The following DRC8 variants were observed in gnomAD, a reference collection of about 807,000 sequenced individuals.
DRC8 encodes dynein regulatory complex subunit 8.
chr1:245,091,387 G>C, the DRC8 span: 711 of 152,426 alleles, frequency 4.7e-3, 7 homozygotes, highest in African/African-American at 0.016. Flanking sequence ...GAGCATACAG[G>C]ACAGCTCTGC....
chr1:244,974,797 C>T, the DRC8 span, among the ~76,000 whole-genome samples: 15 of 152,250 alleles, frequency 9.9e-5, no homozygotes, highest in South Asian at 2.1e-4. Context: ...TGGGCTCAAG[C>T]GATTCCCCCG....
chr1:245,070,927 C>T, the DRC8 span, among the ~76,000 whole-genome samples: 1 of 152,176 alleles, frequency 6.6e-6, no homozygotes, highest in Non-Finnish European at 1.5e-5. Flanking sequence ...CCCTTGCATC[C>T]CTCTGCCATG....
At chr1:245,087,091 G>A in the DRC8 span, 1 of 1,111,924 alleles carries the variant, frequency 9.0e-7, no homozygotes, top group Non-Finnish European at 1.3e-6. Flanking sequence ...TTGAACCTCT[G>A]GACTGTCGTG....
chr1:245,116,390 A>AAAAAC, the DRC8 span, among the ~76,000 whole-genome samples: 29 of 152,228 alleles, frequency 1.9e-4, no homozygotes, highest in South Asian at 2.9e-3. Flanking sequence ...CTTGCCTCTT[A>AAAAAC]AAAACAAAAC....
At chr1:244,982,004 T>C in the DRC8 span, among the ~76,000 whole-genome samples, 1 of 152,166 alleles carries the variant, frequency 6.6e-6, no homozygotes. Context: ...AGAATTCTCC[T>C]CACCCATCCC....
the DRC8 span, among the ~76,000 whole-genome samples, chr1:245,050,676 G>A: frequency 6.6e-6 from 1 of 152,120 alleles, no homozygotes; most frequent in African/African-American, 2.4e-5. Flanking sequence ...CTCAGCTATT[G>A]GGTAGGATGT....
chr1:244,990,513 G>A, the DRC8 span, among the ~76,000 whole-genome samples: 4 of 152,130 alleles, frequency 2.6e-5, no homozygotes, highest in African/African-American at 9.7e-5. Flanking sequence ...CACATTGGAT[G>A]TTTATTTTAT....
the DRC8 span, among the ~76,000 whole-genome samples, chr1:245,054,957 C>T: frequency 2.0e-5 from 3 of 152,212 alleles, no homozygotes; most frequent in African/African-American, 7.2e-5. Context: ...GACAGTTACT[C>T]CTGCCCTCAC....
At chr1:245,124,343 A>T in the DRC8 span, 1 of 152,258 alleles carries the variant, frequency 6.6e-6, no homozygotes, top group Non-Finnish European at 1.5e-5. Context: ...GCTTGCTGAC[A>T]GTGGCAACGT....
At chr1:245,002,440 C>G in the DRC8 span, among the ~76,000 whole-genome samples, 2 of 152,170 alleles carry the variant, frequency 1.3e-5, no homozygotes, top group African/African-American at 4.8e-5. Context: ...AAAACTTGAG[C>G]CTATCCCCAC....
the DRC8 span, among the ~76,000 whole-genome samples, chr1:245,008,700 G>A: frequency 2.8e-5 from 4 of 142,564 alleles, no homozygotes; most frequent in Non-Finnish European, 6.0e-5. Context: ...AATTTTCAGA[G>A]CAAGATCCTT....
chr1:245,091,119 A>T, the DRC8 span: 1 of 152,272 alleles, frequency 6.6e-6, no homozygotes, highest in Non-Finnish European at 1.5e-5. Context: ...GCCAGAGATG[A>T]GGATGAACCG....
At chr1:245,105,647 A>C in the DRC8 span, among the ~76,000 whole-genome samples, 7 of 151,504 alleles carry the variant, frequency 4.6e-5, no homozygotes, top group African/African-American at 1.7e-4. Flanking sequence ...AACAAAAAAC[A>C]AAAACAAAAA....
the DRC8 span, among the ~76,000 whole-genome samples, chr1:245,003,266 GT>G: frequency 6.6e-6 from 1 of 152,170 alleles, no homozygotes; most frequent in Non-Finnish European, 1.5e-5. Context: ...GTAAGTATCT[GT>G]TCGAGTTCCC....
the DRC8 span, among the ~76,000 whole-genome samples, chr1:245,098,396 A>T: frequency 6.6e-6 from 1 of 152,098 alleles, no homozygotes; most frequent in South Asian, 2.1e-4. Flanking sequence ...GTGAGTAGGG[A>T]AGAGAAGGGC....
chr1:245,074,608 G>A, the DRC8 span, among the ~76,000 whole-genome samples: 1 of 152,168 alleles, frequency 6.6e-6, no homozygotes, highest in Admixed American at 6.5e-5. Flanking sequence ...AGACTCTCTG[G>A]TGATTCATCT....
chr1:245,046,397 C>G, the DRC8 span, among the ~76,000 whole-genome samples: 1 of 151,310 alleles, frequency 6.6e-6, no homozygotes, highest in East Asian at 1.9e-4. Context: ...CTCGCTGTCT[C>G]TTTTATTCTT....
the DRC8 span, among the ~76,000 whole-genome samples, chr1:245,098,504 G>C: frequency 6.6e-6 from 1 of 152,174 alleles, no homozygotes; most frequent in East Asian, 1.9e-4. Context: ...GGCAATCCCA[G>C]GTCCTATTCC....
the DRC8 span, among the ~76,000 whole-genome samples, chr1:245,118,817 A>AAAGAAAAGAAAAGAG: frequency 6.6e-6 from 1 of 151,920 alleles, no homozygotes; most frequent in East Asian, 1.9e-4. Flanking sequence ...AAAGAAAAGA[A>AAAGAAAAGAAAAGAG]AAGAAAAGAA....
Sources: gnomAD v4.1 joint callset for allele counts (sites outside exome capture counted in the v4.1 genomes callset) on GRCh38, gnomAD v4.1.1 for gene constraint, MANE v1.5 for transcripts, NCBI Gene and HGNC (gene_info 2026-07-23, HGNC 2026-07-21) for gene names.